The following GCNA variants were observed in gnomAD, a reference collection of about 807,000 sequenced individuals.
GCNA encodes the protein germ cell nuclear acidic peptidase, also known as germ cell nuclear acidic protein.
GCNA carries 3 observed loss-of-function variants against 38.8 expected under a neutral mutation model. That is an observed-to-expected ratio of 0.08 (90% CI 0.04 to 0.20). The LOEUF (loss-of-function observed/expected upper bound fraction) is 0.20, where lower values mean the gene tolerates loss of function less well. Ranked by LOEUF, GCNA falls within the 10% of genes least tolerant of loss-of-function variation. The pLI is 1.00. For synonymous variants in GCNA, 195 were observed against 240.2 expected, an observed-to-expected ratio of 0.81 and a Z score of 1.74; for missense variants, 446 against 578.6, an observed-to-expected ratio of 0.77 and a Z score of 2.35.
At chrX:71,584,907 C>T (rs2040573967) in intron 2 of GCNA, among the ~76,000 whole-genome samples, 1 of 111,247 alleles carries the variant, frequency 9.0e-6, no homozygotes, top group African/African-American at 3.3e-5. Context: ...GTTAATTCTT[C>T]GTTAAATTTT....
At chrX:71,593,334 T>C (rs1228203505) in intron 4 of GCNA, among the ~76,000 whole-genome samples, 1 of 111,802 alleles carries the variant, frequency 8.9e-6, no homozygotes, top group Non-Finnish European at 1.9e-5. Flanking sequence ...AGGCGCCACA[T>C]TGGAGGAGTG....
intron 2 of GCNA, among the ~76,000 whole-genome samples, chrX:71,585,136 C>A (rs1279032234): frequency 9.2e-6 from 1 of 109,127 alleles, no homozygotes; most frequent in Admixed American, 9.8e-5. Flanking sequence ...CATGGTGAAA[C>A]CCTGTCTCTA....
chrX:71,581,036 G>A (rs2040542997), intron 2 of GCNA, among the ~76,000 whole-genome samples, 156 bp downstream of exon 2: 1 of 112,104 alleles, frequency 8.9e-6, no homozygotes, highest in Non-Finnish European at 1.9e-5. Flanking sequence ...TTACAAACTA[G>A]GAGTCCAGCC....
At chrX:71,610,549 G>T (rs2040802036) in intron 10 of GCNA, 132 bp from the exon 11 acceptor site, 2 of 810,274 alleles carry the variant, frequency 2.5e-6, no homozygotes, top group Non-Finnish European at 3.4e-6. Context: ...GGAAGCAGAG[G>T]TTGCAGTGGG....
chrX:71,612,968 G>A lies in GCNA; in HGVS notation c.2062G>A (p.Val688Met), dbSNP rs929715548. 47 of 1,209,833 alleles carry A rather than the reference G, an allele frequency of 3.9e-5. No homozygotes were observed. The highest frequency in any genetic ancestry group is 5.1e-5 in the Non-Finnish European group (46 of 895,245). ...AACTCAGAAAGATGGGACCCGTATT[G>A]TGCCCCACGTGTGACCATTTGCTGT... The part of the protein sequence containing the change: ...PLTQKDGTRI[V>M]PHV The change falls in exon 13 of 13, where the codon GTG becomes ATG. Residue 688 changes from valine (V) to methionine (M), a missense_variant. Physicochemically the swap from Val to Met is conservative, Grantham distance 21 (BLOSUM62 1). Around this residue, in one of 7 missense-constraint regions of GCNA, gnomAD observed 34 missense variants for 33.2 expected, o/e 1.02. Transcript: ENST00000373696.
At chrX:71,587,259 C>T (rs896477289) in intron 2 of GCNA, among the ~76,000 whole-genome samples, 4 of 109,789 alleles carry the variant, frequency 3.6e-5, no homozygotes, top group Non-Finnish European at 5.7e-5. Context: ...GAGTTCCTAG[C>T]TGATTGCTTC....
At chrX:71,592,004 T>A (rs1190465074) in intron 2 of GCNA, 118 bp from the exon 3 acceptor site, 2 of 648,798 alleles carry the variant, frequency 3.1e-6, no homozygotes, top group East Asian at 6.9e-5. Context: ...TTAAAACCTT[T>A]TTTGCATTTC....
At chrX:71,588,547 C>A (rs1334748065) in intron 2 of GCNA, among the ~76,000 whole-genome samples, 1 of 112,049 alleles carries the variant, frequency 8.9e-6, no homozygotes, top group Non-Finnish European at 1.9e-5. Context: ...AGAGATCTGG[C>A]CAGGCGTGGT....
rs1290339533 is a variant in GCNA, at chrX:71,612,576, A to G, written c.1955+17A>G. 5 of 1,190,469 alleles carry G rather than the reference A, an allele frequency of 4.2e-6. No individual in the cohort carries two copies. The Admixed American group carries it at 8.9e-5, about 21-fold the overall frequency. On this transcript the variant is annotated intron_variant, in intron 12 of 12. Transcript: ENST00000373696. ...CAAAACGAGGTAAGACTCTTCTCAG[A>G]CTTTTCCCAGTTACGTTTTGCTGGG...
intron 7 of GCNA, among the ~76,000 whole-genome samples, chrX:71,599,013 TTTG>T (rs930482683): frequency 8.2e-5 from 9 of 109,388 alleles, no homozygotes; most frequent in African/African-American, 3.0e-4. Context: ...GCTAATTTTT[TTTG>T]TTGTTGTTTT....
intron 9 of GCNA, among the ~76,000 whole-genome samples, chrX:71,608,514 C>T (rs1227896477): frequency 8.9e-6 from 1 of 112,200 alleles, no homozygotes; most frequent in Non-Finnish European, 1.9e-5. Flanking sequence ...CCTCGTGATC[C>T]GCCTGCCTCG....
chrX:71,612,720 C>G, intron 12 of GCNA, 142 bp from the exon 13 acceptor site: 3 of 982,807 alleles, frequency 3.1e-6, no homozygotes, highest in Non-Finnish European at 4.2e-6. Flanking sequence ...TTGAGCCGGC[C>G]TGACCACTGC....
chrX:71,592,149 T>C lies in GCNA; in HGVS notation c.87T>C (p.Ser29=), dbSNP rs192178165. Residue 29 remains serine (S), a synonymous_variant, in exon 3 of 13, where the codon AGT becomes AGC. Transcript: ENST00000373696. ...DCYILNVQSS[S]DDTSGSSVAR... is the part of the protein sequence containing the mutation. ...ACATCCTTAATGTTCAGTCAAGCAGTGATGACACCAGTGGGTCTTGTAAGT... is the reference window on the plus strand; with the variant it reads ...ACATCCTTAATGTTCAGTCAAGCAGCGATGACACCAGTGGGTCTTGTAAGT... 5.1e-5 allele frequency: 61 copies of C among 1,204,788 alleles called. No homozygotes were observed. In the African/African-American group the frequency reaches 1.0e-3, roughly 20 times the overall value.
At chrX:71,600,417 C>A (rs990555849) in intron 7 of GCNA, among the ~76,000 whole-genome samples, 1 of 111,713 alleles carries the variant, frequency 9.0e-6, no homozygotes, top group Non-Finnish European at 1.9e-5. Context: ...AAAGGACAGT[C>A]CTTTAAATTA....
chrX:71,584,855 G>A (rs892484529), intron 2 of GCNA, among the ~76,000 whole-genome samples: 6 of 111,052 alleles, frequency 5.4e-5, no homozygotes, highest in African/African-American at 2.0e-4. Context: ...GTGACAGAGT[G>A]AGACTCCATA....
chrX:71,604,427 A>G lies in GCNA; in HGVS notation c.1150A>G (p.Ser384Gly), dbSNP rs2040750605. The G allele has an allele frequency of 2.5e-6, 3 of 1,209,629 alleles. No individual in the cohort carries two copies. Among genetic ancestry groups the G allele is most frequent in the Middle Eastern group, 2.3e-4 (1 of 4,354 alleles). ...TGGTGAGAATCTCAGCAAACCACCA[A>G]GTGATCCTGAGGCTAACCCTGAAGT... ...DLGENLSKPP[S>G]DPEANPEVSE... Residue 384 changes from serine (S) to glycine (G), a missense_variant, in exon 8 of 13, where the codon AGT becomes GGT. Coordinates refer to ENST00000373696, the MANE Select transcript of GCNA (RefSeq NM_052957.5).
intron 2 of GCNA, among the ~76,000 whole-genome samples, chrX:71,590,480 G>A (rs753696131): frequency 1.7e-3 from 189 of 111,878 alleles, no homozygotes; most frequent in African/African-American, 5.6e-3. Context: ...ATGGGAAACC[G>A]TACAGCCAGC....
chrX:71,588,884 T>G (rs1278865257), intron 2 of GCNA, among the ~76,000 whole-genome samples: 1 of 110,546 alleles, frequency 9.0e-6, no homozygotes, highest in African/African-American at 3.3e-5. Flanking sequence ...TTTATAACTT[T>G]TTTTTAAGTT....
At chrX:71,607,254 G>C (rs1832792384) in intron 9 of GCNA, among the ~76,000 whole-genome samples, 1 of 112,245 alleles carries the variant, frequency 8.9e-6, no homozygotes, top group Admixed American at 9.4e-5. Flanking sequence ...CTAAGTAACT[G>C]GAGGCAGAAA....
Sources: gnomAD v4.1 joint callset for allele counts (sites outside exome capture counted in the v4.1 genomes callset) on GRCh38, gnomAD v4.1.1 for gene constraint, gnomAD v4.1.1 regional missense constraint, MANE v1.5 for transcripts, NCBI Gene and HGNC (gene_info 2026-07-23, HGNC 2026-07-21) for gene names.